The following TLR7 variants were observed in gnomAD, a reference collection of about 807,000 sequenced individuals.
TLR7 encodes toll like receptor 7.
In TLR7, 12 loss-of-function variants were observed where a neutral mutation model predicts 38.3. The ratio of observed to expected loss-of-function variants is 0.31; its 90% confidence interval spans 0.20 to 0.51. TLR7 has a LOEUF of 0.51. Among genes scored for constraint, TLR7 ranks in the 20% least tolerant of loss-of-function variants. The pLI, the probability that TLR7 is intolerant of heterozygous loss-of-function variation, is 0.98. For missense variants in TLR7, 504 were observed against 743.4 expected (o/e 0.68, Z 3.74); for synonymous variants, 285 against 293.8 (o/e 0.97, Z 0.31).
At position 12,886,540 on chromosome X, in the gene TLR7, A is replaced by G. The variant is rs144770372; in HGVS notation, c.1032A>G (p.Gln344=). 3.4e-5 allele frequency: 41 copies of G among 1,210,247 alleles called. No homozygotes were observed. In the African/African-American group the frequency reaches 6.3e-4, roughly 19 times the overall value. The change falls in exon 3 of 3, where the codon CAA becomes CAG. Residue 344 remains glutamine (Q), a synonymous_variant. Coordinates refer to ENST00000380659, the MANE Select transcript of TLR7 (RefSeq NM_016562.4). ...KFLHFLPSLI[Q]LDLSFNFELQ... is the part of the protein sequence containing the mutation. The stretch of plus-strand genomic sequence containing the variant: ...TGCATTTTCTCCCCAGCCTCATCCA[A>G]TTGGATCTGTCTTTCAATTTTGAAC...
In TLR7 at chrX:12,886,441, G is replaced by T; in HGVS notation, c.933G>T (p.Lys311Asn). The T allele has an allele frequency of 8.3e-7, 1 of 1,211,927 alleles. No homozygotes were observed. Among genetic ancestry groups the T allele is most frequent in the Non-Finnish European group, 1.1e-6 (1 of 895,535 alleles). ...SLQHVPPRWF[K>N]NINKLQELDL... ...AGCATGTGCCCCCAAGATGGTTTAA[G>T]AACATCAACAAACTCCAGGAACTGG... The change falls in exon 3 of 3, where the codon AAG becomes AAT. Residue 311 changes from lysine to asparagine, a missense_variant. By Grantham distance (94) the Lys-to-Asn change is moderately conservative. Coordinates refer to ENST00000380659, the MANE Select transcript of TLR7 (RefSeq NM_016562.4).
At chrX:12,871,239 C>G (rs1228159529) in intron 2 of TLR7, among the ~76,000 whole-genome samples, 1 of 111,622 alleles carries the variant, frequency 9.0e-6, no homozygotes. Flanking sequence ...AAAAATATTT[C>G]AAAATTCACA....
chrX:12,886,795 A>G lies in TLR7; in HGVS notation c.1287A>G (p.Ser429=). 1 of 1,209,458 alleles carries G rather than the reference A, an allele frequency of 8.3e-7. No individual in the cohort carries two copies. The highest frequency in any genetic ancestry group is 1.8e-5 in the South Asian group (1 of 56,444). ...AAAGACTGAAAGTCATAGATCTTTC[A>G]GTGAATAAAATATCACCTTCAGGAG... is the stretch of plus-strand genomic sequence containing the variant. ...QFKRLKVIDL[S]VNKISPSGDS... The change falls in exon 3 of 3, where the codon TCA becomes TCG. Residue 429 remains serine, a synonymous_variant. Coordinates refer to ENST00000380659, the MANE Select transcript of TLR7 (RefSeq NM_016562.4).
At chrX:12,883,681 C>A (rs1298527069) in intron 2 of TLR7, among the ~76,000 whole-genome samples, 6 of 110,674 alleles carry the variant, frequency 5.4e-5, no homozygotes, top group African/African-American at 1.6e-4. Context: ...ATAGGGTAGA[C>A]TGGGAAAGTG....
In TLR7 at chrX:12,887,637, A is replaced by G; in HGVS notation, c.2129A>G (p.Gln710Arg). The G allele has an allele frequency of 1.7e-6, 2 of 1,210,887 alleles. No individual in the cohort carries two copies. The highest frequency in any genetic ancestry group is 2.2e-6 in the Non-Finnish European group (2 of 894,982). ...NLETLDLSHNQLTTVPERLSN... is the reference protein window; with the variant it reads ...NLETLDLSHNRLTTVPERLSN... ...GAAACTTTGGACCTCAGCCACAACC[A>G]ACTGACCACTGTCCCTGAGAGATTA... is the stretch of plus-strand genomic sequence containing the variant. The change falls in exon 3 of 3, where the codon CAA (glutamine) becomes CGA (arginine). Residue 710 changes from glutamine to arginine, a missense_variant. Coordinates refer to ENST00000380659, the MANE Select transcript of TLR7 (RefSeq NM_016562.4).
Position 12,887,080 on chromosome X carries a change from G to A in TLR7, c.1572G>A (p.Leu524=). The change falls in exon 3 of 3, where the codon CTG becomes CTA. Residue 524 remains leucine (L), a synonymous_variant. Coordinates refer to ENST00000380659, the MANE Select transcript of TLR7 (RefSeq NM_016562.4). ...QHLSFLKCLN[L]SGNLISQTLN... is the part of the protein sequence containing the mutation. ...TTTCTTTCCTCAAATGCCTGAATCTGTCAGGAAATCTCATTAGCCAAACTC... is the reference window on the plus strand; with the variant it reads ...TTTCTTTCCTCAAATGCCTGAATCTATCAGGAAATCTCATTAGCCAAACTC... 2.5e-6 allele frequency: 3 copies of A among 1,210,843 alleles called. No homozygotes were observed. The highest frequency in any genetic ancestry group is 3.4e-6 in the Non-Finnish European group (3 of 895,165).
chrX:12,872,365 C>T (rs1364528048), intron 2 of TLR7, among the ~76,000 whole-genome samples: 1 of 111,582 alleles, frequency 9.0e-6, no homozygotes, highest in African/African-American at 3.3e-5. Flanking sequence ...CCTGAAGACT[C>T]ACTCTCCAGG....
At chrX:12,880,829 C>A (rs2042888513) in intron 2 of TLR7, among the ~76,000 whole-genome samples, 2 of 111,370 alleles carry the variant, frequency 1.8e-5, no homozygotes, top group South Asian at 7.6e-4. Flanking sequence ...AAGATAATTT[C>A]TGACCGTGGT....
At chrX:12,875,491 G>T (rs1350546284) in intron 2 of TLR7, among the ~76,000 whole-genome samples, 1 of 112,148 alleles carries the variant, frequency 8.9e-6, no homozygotes, top group Non-Finnish European at 1.9e-5. Flanking sequence ...ATGTAACATT[G>T]CTGGATGATA....
chrX:12,869,997 G>A (rs2042846993), intron 2 of TLR7, among the ~76,000 whole-genome samples: 1 of 110,183 alleles, frequency 9.1e-6, no homozygotes, highest in African/African-American at 3.3e-5. Context: ...AAAAAAGCAA[G>A]CTAGAAATGG....
intron 2 of TLR7, among the ~76,000 whole-genome samples, chrX:12,881,004 T>C (rs2042889115): frequency 9.1e-6 from 1 of 109,570 alleles, no homozygotes; most frequent in Non-Finnish European, 1.9e-5. Context: ...AGGTGGGTGG[T>C]TCACTTGGGG....
intron 2 of TLR7, among the ~76,000 whole-genome samples, chrX:12,867,973 T>A (rs2147239644): frequency 8.9e-6 from 1 of 112,561 alleles, no homozygotes. Flanking sequence ...TGGATGAAAG[T>A]GTGTGGGCAG....
intron 2 of TLR7, among the ~76,000 whole-genome samples, chrX:12,885,261 C>T (rs908293440): frequency 3.6e-5 from 4 of 112,397 alleles, no homozygotes; most frequent in African/African-American, 9.7e-5. Flanking sequence ...GAAAATGCTG[C>T]TTCTACCCTC....
chrX:12,874,397 A>AT (rs1452896281), intron 2 of TLR7, among the ~76,000 whole-genome samples: 1 of 111,605 alleles, frequency 9.0e-6, no homozygotes, highest in Non-Finnish European at 1.9e-5. Flanking sequence ...TGTACTAGTT[A>AT]TTTTTTTCCT....
At chrX:12,882,534 T>C (rs1343759521) in intron 2 of TLR7, among the ~76,000 whole-genome samples, 1 of 111,804 alleles carries the variant, frequency 8.9e-6, no homozygotes, top group African/African-American at 3.3e-5. Flanking sequence ...TCACAGTCAT[T>C]GTCTCAGGTG....
rs1187329616 is a variant in TLR7, at chrX:12,886,447, C to T, written c.939C>T (p.Ile313=). 8.3e-7 allele frequency: 1 copy of T among 1,210,363 alleles called. No individual in the cohort carries two copies. Among genetic ancestry groups the T allele is most frequent in the Non-Finnish European group, 1.1e-6 (1 of 895,304 alleles). Residue 313 remains isoleucine (I), a synonymous_variant, in exon 3 of 3, where the codon ATC becomes ATT. Coordinates refer to ENST00000380659, the MANE Select transcript of TLR7 (RefSeq NM_016562.4). ...TGCCCCCAAGATGGTTTAAGAACAT[C>T]AACAAACTCCAGGAACTGGATCTGT... ...QHVPPRWFKN[I]NKLQELDLSQ...
In TLR7 at chrX:12,887,020, T is replaced by C. The variant is rs1447322945; in HGVS notation, c.1512T>C (p.Ser504=). Residue 504 remains serine, a synonymous_variant, in exon 3 of 3, where the codon AGT becomes AGC. Transcript: ENST00000380659. The part of the protein sequence containing the change: ...YGQTLDLSKN[S]IFFVKSSDFQ... The stretch of plus-strand genomic sequence containing the variant: ...AGACCTTGGATCTAAGTAAAAATAG[T>C]ATATTTTTTGTCAAGTCCTCTGATT... 1 of 1,208,872 alleles carries C rather than the reference T, an allele frequency of 8.3e-7. No homozygotes were observed. The highest frequency in any genetic ancestry group is 1.1e-6 in the Non-Finnish European group (1 of 892,917).
rs1486054923 is a variant in TLR7 at position 12,887,572 on chromosome X, A to G, written c.2064A>G (p.Lys688=). ...TCTCTTTGGCCAAAAATGGGCTCAA[A>G]TCTTTCAGTTGGAAGAAACTCCAGT... is the stretch of plus-strand genomic sequence containing the variant. ...KNLSLAKNGL[K]SFSWKKLQCL... The change falls in exon 3 of 3, where the codon AAA becomes AAG. Residue 688 remains lysine (K), a synonymous_variant. Coordinates refer to ENST00000380659, the MANE Select transcript of TLR7 (RefSeq NM_016562.4). 8.3e-7 allele frequency: 1 copy of G among 1,209,241 alleles called. No homozygotes were observed. Among genetic ancestry groups the G allele is most frequent in the Non-Finnish European group, 1.1e-6 (1 of 895,140 alleles).
At chrX:12,873,712 G>A (rs2042861179) in intron 2 of TLR7, among the ~76,000 whole-genome samples, 1 of 111,893 alleles carries the variant, frequency 8.9e-6, no homozygotes, top group Admixed American at 9.5e-5. Context: ...GGTTTCTTGT[G>A]TATTCTTTCC....
Sources: gnomAD v4.1 joint callset for allele counts (sites outside exome capture counted in the v4.1 genomes callset) on GRCh38, gnomAD v4.1.1 for gene constraint, MANE v1.5 for transcripts, NCBI Gene and HGNC (gene_info 2026-07-23, HGNC 2026-07-21) for gene names.